Variants in ZNG1C observed in about 807,000 individuals in gnomAD.
The protein encoded by ZNG1C is Zn regulated GTPase metalloprotein activator 1C, also known as zinc-regulated GTPase metalloprotein activator 1C.
the ZNG1C span, chr9:68,274,162 G>A: frequency 6.6e-6 from 1 of 150,938 alleles, no homozygotes; most frequent in African/African-American, 2.4e-5. Flanking sequence ...GATTTTCTGG[G>A]CTTATGTTAA....
chr9:68,285,427 A>G, the ZNG1C span: 14 of 146,290 alleles, frequency 9.6e-5, no homozygotes, highest in Admixed American at 9.6e-4. Flanking sequence ...TGCTTTTCAT[A>G]TCAGAACAAT....
the ZNG1C span, among the ~76,000 whole-genome samples, chr9:68,271,779 G>A: frequency 6.6e-6 from 1 of 151,240 alleles, no homozygotes; most frequent in East Asian, 1.9e-4. Flanking sequence ...ATTTTCTTCT[G>A]TAGGGAGCAA....
At chr9:68,267,299 G>A in the ZNG1C span, among the ~76,000 whole-genome samples, 1 of 151,456 alleles carries the variant, frequency 6.6e-6, no homozygotes, top group East Asian at 1.9e-4. Context: ...GTGGAAGAAA[G>A]AAATTCATAT....
chr9:68,287,312 T>TA, the ZNG1C span, among the ~76,000 whole-genome samples: 1,673 of 150,526 alleles, frequency 0.011, no homozygotes, highest in African/African-American at 0.037. Flanking sequence ...GGAGCTTTTT[T>TA]AAAAAAAATT....
the ZNG1C span, among the ~76,000 whole-genome samples, chr9:68,255,799 G>A: frequency 1.3e-5 from 2 of 152,166 alleles, no homozygotes; most frequent in South Asian, 4.1e-4. Flanking sequence ...AAAGTGAACA[G>A]AATTCTTATT....
the ZNG1C span, chr9:68,256,813 TA>T: frequency 4.6e-6 from 1 of 215,732 alleles, no homozygotes; most frequent in Non-Finnish European, 7.0e-6. Context: ...CATAAGAAGA[TA>T]TATGTGTTTA....
the ZNG1C span, among the ~76,000 whole-genome samples, chr9:68,286,570 C>T: frequency 1.5e-5 from 2 of 137,696 alleles, no homozygotes; most frequent in Non-Finnish European, 3.1e-5. Context: ...TTTTACTGTA[C>T]CTGCGTTTCT....
chr9:68,257,634 C>T, the ZNG1C span, among the ~76,000 whole-genome samples: 1 of 124,058 alleles, frequency 8.1e-6, no homozygotes, highest in Non-Finnish European at 1.7e-5. Context: ...ATCCTCCAGG[C>T]AATATGAGGA....
the ZNG1C span, among the ~76,000 whole-genome samples, chr9:68,281,163 C>T: frequency 2.6e-4 from 40 of 151,606 alleles, no homozygotes; most frequent in Middle Eastern, 6.8e-3. Flanking sequence ...CCTGTGCTTC[C>T]CAAGTGAGAC....
chr9:68,281,260 C>A, the ZNG1C span, among the ~76,000 whole-genome samples: 2 of 152,188 alleles, frequency 1.3e-5, no homozygotes, highest in African/African-American at 4.8e-5. Context: ...GAGATGAACC[C>A]GGTACCTCAG....
chr9:68,275,355 A>C, the ZNG1C span, among the ~76,000 whole-genome samples: 1 of 148,514 alleles, frequency 6.7e-6, no homozygotes, highest in Non-Finnish European at 1.5e-5. Context: ...TTTAAGTTTT[A>C]GGGTACATGT....
chr9:68,244,685 C>T, the ZNG1C span, among the ~76,000 whole-genome samples: 1 of 120,278 alleles, frequency 8.3e-6, no homozygotes, highest in South Asian at 2.6e-4. Context: ...TTAGTGTGTA[C>T]GGTTCACAAG....
the ZNG1C span, among the ~76,000 whole-genome samples, chr9:68,247,341 T>TG: frequency 6.6e-6 from 1 of 150,674 alleles, no homozygotes. Flanking sequence ...CATTAAGAAA[T>TG]GGGGGTGGCC....
the ZNG1C span, among the ~76,000 whole-genome samples, chr9:68,260,126 CA>C: frequency 5.3e-5 from 8 of 150,008 alleles, no homozygotes; most frequent in Admixed American, 2.0e-4. Flanking sequence ...ATGGAGGTAG[CA>C]AAAAAGCCCC....
the ZNG1C span, among the ~76,000 whole-genome samples, chr9:68,259,791 A>C: frequency 2.8e-4 from 42 of 152,150 alleles, 1 homozygote; most frequent in Admixed American, 2.7e-3. Flanking sequence ...GATTACAGGC[A>C]TGAGCCACCA....
the ZNG1C span, among the ~76,000 whole-genome samples, chr9:68,276,075 C>A: frequency 1.3e-5 from 2 of 151,918 alleles, no homozygotes; most frequent in Non-Finnish European, 2.9e-5. Flanking sequence ...CATTTTTTCA[C>A]GTGTTTTTTG....
the ZNG1C span, among the ~76,000 whole-genome samples, chr9:68,249,230 C>A: frequency 1.3e-5 from 2 of 151,262 alleles, no homozygotes; most frequent in African/African-American, 4.9e-5. Context: ...CCCTTGGCAT[C>A]CATGGCGTAT....
chr9:68,271,882 G>A, the ZNG1C span, among the ~76,000 whole-genome samples: 10 of 151,162 alleles, frequency 6.6e-5, no homozygotes, highest in Non-Finnish European at 1.0e-4. Flanking sequence ...ACAGGAAGGA[G>A]GAGCAACAGG....
chr9:68,291,697 G>A, the ZNG1C span, among the ~76,000 whole-genome samples: 1 of 147,718 alleles, frequency 6.8e-6, no homozygotes, highest in Non-Finnish European at 1.5e-5. Flanking sequence ...TAGTCTGCTT[G>A]TACTTCTCTT....
Sources: gnomAD v4.1 joint callset for allele counts (sites outside exome capture counted in the v4.1 genomes callset) on GRCh38, gnomAD v4.1.1 for gene constraint, MANE v1.5 for transcripts, NCBI Gene and HGNC (gene_info 2026-07-23, HGNC 2026-07-21) for gene names.